The following DOK5 variants were observed in gnomAD, a reference collection of about 807,000 sequenced individuals.
DOK5 encodes the protein docking protein 5, also known as downstream of tyrosine kinase 5.
DOK5 carries 27 observed loss-of-function variants against 43.3 expected under a neutral mutation model. That is an observed-to-expected ratio of 0.62 (90% CI 0.46 to 0.86). DOK5 has a LOEUF of 0.86. DOK5 is among the 40% of genes least tolerant of loss of function. The pLI, the probability that DOK5 is intolerant of heterozygous loss-of-function variation, is 0.00. For synonymous variants in DOK5, 146 were observed against 140.1 expected (o/e 1.04, Z -0.30); for missense variants, 373 against 392.9 (o/e 0.95, Z 0.43).
chr20:54,484,220 A>G (rs1428592052), intron 1 of DOK5, among the ~76,000 whole-genome samples: 3 of 152,060 alleles, frequency 2.0e-5, no homozygotes, highest in Non-Finnish European at 2.9e-5. Flanking sequence ...CTCTACTAAA[A>G]ATACAAAAAT....
chr20:54,624,819 G>A (rs760224208), intron 6 of DOK5, among the ~76,000 whole-genome samples: 5 of 152,158 alleles, frequency 3.3e-5, no homozygotes, highest in Admixed American at 1.3e-4. Flanking sequence ...TCTGGTGCTC[G>A]GCAACATGCT....
At chr20:54,483,484 G>A (rs1006448527) in intron 1 of DOK5, among the ~76,000 whole-genome samples, 24 of 152,134 alleles carry the variant, frequency 1.6e-4, no homozygotes, top group African/African-American at 5.8e-4. Flanking sequence ...TTATTAACAA[G>A]AGATTAATGT....
chr20:54,535,293 G>GT (rs112169921), intron 1 of DOK5, among the ~76,000 whole-genome samples: 2,663 of 148,322 alleles, frequency 0.018, 84 homozygotes, highest in African/African-American at 0.062. Context: ...TTCCTTGTGG[G>GT]TTTTTTTTTT....
At chr20:54,547,160 T>G (rs1265890202) in intron 1 of DOK5, among the ~76,000 whole-genome samples, 1 of 152,198 alleles carries the variant, frequency 6.6e-6, no homozygotes, top group Non-Finnish European at 1.5e-5. Flanking sequence ...TATTGGAAGG[T>G]ATCCACACTC....
chr20:54,574,217 G>A (rs1375776079), intron 2 of DOK5, among the ~76,000 whole-genome samples: 1 of 152,130 alleles, frequency 6.6e-6, no homozygotes, highest in Non-Finnish European at 1.5e-5. Context: ...GGCCTGAGAA[G>A]CAGAGCATCA....
intron 2 of DOK5, among the ~76,000 whole-genome samples, chr20:54,574,546 A>G (rs1054686424): frequency 3.3e-5 from 5 of 152,152 alleles, no homozygotes; most frequent in African/African-American, 1.2e-4. Context: ...AGTAAATTCT[A>G]AAGAGTTGAA....
At chr20:54,491,464 G>A (rs1982173647) in intron 1 of DOK5, among the ~76,000 whole-genome samples, 3 of 152,124 alleles carry the variant, frequency 2.0e-5, no homozygotes, top group South Asian at 2.1e-4. Context: ...TTGCAGTATC[G>A]CAGCTGCAGT....
intron 2 of DOK5, among the ~76,000 whole-genome samples, chr20:54,582,330 T>G (rs1985671963): frequency 1.3e-5 from 2 of 151,894 alleles, no homozygotes; most frequent in African/African-American, 2.4e-5. Context: ...TTTCTTGTAG[T>G]GTCTATATCT....
intron 1 of DOK5, among the ~76,000 whole-genome samples, chr20:54,511,150 G>C (rs1983003577): frequency 6.6e-6 from 1 of 152,206 alleles, no homozygotes; most frequent in Non-Finnish European, 1.5e-5. Flanking sequence ...CCACTTCCAG[G>C]GTATCAATGC....
intron 2 of DOK5, among the ~76,000 whole-genome samples, chr20:54,587,322 G>C (rs1391767179): frequency 5.3e-5 from 8 of 152,148 alleles, no homozygotes; most frequent in African/African-American, 1.7e-4. Flanking sequence ...AAGAAGCAGA[G>C]AAATGAAATA....
At chr20:54,620,159 C>T (rs954060482) in intron 6 of DOK5, among the ~76,000 whole-genome samples, 5 of 152,140 alleles carry the variant, frequency 3.3e-5, no homozygotes, top group Non-Finnish European at 5.9e-5. Context: ...TTATGAAATA[C>T]CTATTTGCTA....
intron 6 of DOK5, among the ~76,000 whole-genome samples, chr20:54,616,784 C>CT (rs550110589): frequency 0.34 from 36,376 of 105,650 alleles, 7,372 homozygotes; most frequent in African/African-American, 0.52. Context: ...TTTTTTTTTT[C>CT]TTTTTTTTTT....
intron 5 of DOK5, among the ~76,000 whole-genome samples, chr20:54,604,167 C>T (rs1002634826): frequency 4.6e-5 from 7 of 151,950 alleles, no homozygotes; most frequent in African/African-American, 7.2e-5. Flanking sequence ...AGGATGGTCT[C>T]GATCTCCTGA....
At chr20:54,553,191 A>G (rs1156405193) in intron 1 of DOK5, among the ~76,000 whole-genome samples, 2 of 152,154 alleles carry the variant, frequency 1.3e-5, no homozygotes, top group African/African-American at 4.8e-5. Context: ...TCCTAAGGAT[A>G]GATTTCTATT....
chr20:54,644,722 A>AAC (rs1568827238), intron 7 of DOK5, among the ~76,000 whole-genome samples: 79 of 146,612 alleles, frequency 5.4e-4, no homozygotes, highest in East Asian at 2.0e-3. Flanking sequence ...AAAAAAAAAA[A>AAC]AACAAAATTT....
chr20:54,511,368 C>T (rs1235050460), intron 1 of DOK5, among the ~76,000 whole-genome samples: 2 of 152,170 alleles, frequency 1.3e-5, no homozygotes, highest in African/African-American at 4.8e-5. Context: ...GGTGAAGTCA[C>T]CTGCTTAACT....
At chr20:54,531,146 G>C (rs1983757762) in intron 1 of DOK5, among the ~76,000 whole-genome samples, 1 of 152,182 alleles carries the variant, frequency 6.6e-6, no homozygotes, top group Admixed American at 6.5e-5. Context: ...TGCTTGCTTA[G>C]AGCCTTTGTG....
At chr20:54,649,938 G>A (rs1056881320) in intron 7 of DOK5, among the ~76,000 whole-genome samples, 1 of 152,158 alleles carries the variant, frequency 6.6e-6, no homozygotes, top group African/African-American at 2.4e-5. Context: ...GATCTTGTGT[G>A]TTGCCTTCTT....
intron 1 of DOK5, among the ~76,000 whole-genome samples, chr20:54,532,100 T>C (rs1401567213): frequency 6.6e-6 from 1 of 152,208 alleles, no homozygotes. Flanking sequence ...CCTCTGGAAG[T>C]TGGAGTCTAG....
Sources: gnomAD v4.1 joint callset for allele counts (sites outside exome capture counted in the v4.1 genomes callset) on GRCh38, gnomAD v4.1.1 for gene constraint, MANE v1.5 for transcripts, NCBI Gene and HGNC (gene_info 2026-07-23, HGNC 2026-07-21) for gene names.